Variants in PDS5A observed in about 807,000 individuals in gnomAD.
PDS5A encodes the protein PDS5 cohesin associated factor A.
A neutral mutation model predicts 167.1 loss-of-function variants in PDS5A; 42 were observed. The ratio of observed to expected loss-of-function variants is 0.25; its 90% CI spans 0.20 to 0.33. The LOEUF (loss-of-function observed/expected upper bound fraction) is 0.33. Ranked by LOEUF, PDS5A falls within the 10% of genes least tolerant of loss-of-function variation. PDS5A has a pLI of 1.00. For missense variants in PDS5A, 1,033 were observed against 1,605.9 expected (o/e 0.64, Z 6.10); for synonymous variants, 553 against 554.6 (o/e 1.00, Z 0.04).
At chr4:39,902,522 ATTTTTT>A in intron 12 of PDS5A, 62 bp from the exon 13 acceptor site, 4 of 597,282 alleles carry the variant, frequency 6.7e-6, no homozygotes, top group East Asian at 3.2e-5. Flanking sequence ...TTAAGAAGCA[ATTTTTT>A]TTTTTTTTTT....
chr4:39,831,089 AGAGTT>A (rs1446794387), intron 32 of PDS5A, among the ~76,000 whole-genome samples: 1 of 152,120 alleles, frequency 6.6e-6, no homozygotes, highest in Admixed American at 6.6e-5. Context: ...TTAGCCACAT[AGAGTT>A]GTTTTTGTTT....
intron 32 of PDS5A, among the ~76,000 whole-genome samples, chr4:39,827,741 G>A (rs1715452816): frequency 6.6e-6 from 1 of 152,092 alleles, no homozygotes; most frequent in African/African-American, 2.4e-5. Context: ...AACAAAACAT[G>A]TTAATCCAAC....
chr4:39,958,612 T>A (rs1010304551), intron 2 of PDS5A, among the ~76,000 whole-genome samples: 1 of 151,870 alleles, frequency 6.6e-6, no homozygotes, highest in Non-Finnish European at 1.5e-5. Context: ...TGTCTTTTTT[T>A]TTTTCTTTTC....
intron 2 of PDS5A, among the ~76,000 whole-genome samples, chr4:39,951,696 C>G (rs541732642): frequency 4.4e-4 from 67 of 152,066 alleles, no homozygotes; most frequent in Non-Finnish European, 6.3e-4. Context: ...GTCAGGAGAT[C>G]TAGACCATCC....
intron 5 of PDS5A, 61 bp downstream of exon 5, chr4:39,925,775 C>A: frequency 1.7e-6 from 1 of 602,752 alleles, no homozygotes; most frequent in Non-Finnish European, 2.9e-6. Context: ...GTAGAGTATA[C>A]AACATCTGAA....
chr4:39,830,096 G>T (rs1180225283), intron 32 of PDS5A, among the ~76,000 whole-genome samples: 1 of 151,954 alleles, frequency 6.6e-6, no homozygotes, highest in Non-Finnish European at 1.5e-5. Context: ...ACCTGAGCAA[G>T]GTCCGTTCAG....
At chr4:39,942,441 T>A (rs182314349) in intron 2 of PDS5A, among the ~76,000 whole-genome samples, 6 of 152,170 alleles carry the variant, frequency 3.9e-5, no homozygotes, top group Non-Finnish European at 7.4e-5. Flanking sequence ...CCATCCTTAA[T>A]GTTTTTGCCC....
chr4:39,955,709 C>T (rs987655162), intron 2 of PDS5A, among the ~76,000 whole-genome samples: 2 of 151,688 alleles, frequency 1.3e-5, no homozygotes, highest in Admixed American at 6.6e-5. Flanking sequence ...TCCTGGGGGA[C>T]GGGAGTGTTA....
intron 16 of PDS5A, among the ~76,000 whole-genome samples, chr4:39,892,460 G>A (rs987134622): frequency 1.3e-5 from 2 of 152,136 alleles, no homozygotes; most frequent in Non-Finnish European, 2.9e-5. Flanking sequence ...TCACACAATG[G>A]TCTAATTCCT....
rs986183232 is a variant in PDS5A, at chr4:39,977,845, T to G, written c.-429A>C. 5 of 148,650 alleles carry G rather than the reference T, an allele frequency of 3.4e-5. No individual in the cohort carries two copies. Among genetic ancestry groups the G allele is most frequent in the African/African-American group, 1.2e-4 (5 of 41,012 alleles). The allele number at this position is 148,650 out of a possible 1,614,324, so 9.2% of individuals were successfully genotyped here. On this transcript the variant is annotated 5_prime_UTR_variant, in exon 1 of 33. Coordinates refer to ENST00000303538, the MANE Select transcript of PDS5A (RefSeq NM_001100399.2). This position sits in a 1 kb window ranked among gnomAD's most constrained non-coding sequence, Gnocchi z 4.2. ...CCTCGCAGAGGCGCGCGCCCGGCCGTCCGTGCCCCGGGAGCCGGGGCCTCG... is the reference window on the plus strand; with the variant it reads ...CCTCGCAGAGGCGCGCGCCCGGCCGGCCGTGCCCCGGGAGCCGGGGCCTCG...
chr4:39,831,290 G>GGCC (rs1200912306), intron 32 of PDS5A, among the ~76,000 whole-genome samples: 2 of 151,998 alleles, frequency 1.3e-5, no homozygotes, highest in Non-Finnish European at 2.9e-5. Flanking sequence ...TATTATAGAT[G>GGCC]GAGTTTCACC....
intron 32 of PDS5A, among the ~76,000 whole-genome samples, chr4:39,836,583 C>T (rs1246280774): frequency 6.7e-6 from 1 of 149,974 alleles, no homozygotes; most frequent in African/African-American, 2.5e-5. Flanking sequence ...TACAGGTGCC[C>T]ATGCCCACGA....
chr4:39,848,031 T>C (rs1415355998), intron 28 of PDS5A: 1 of 152,208 alleles, frequency 6.6e-6, no homozygotes, highest in Non-Finnish European at 1.5e-5. Context: ...CTAGGCTGTG[T>C]GCTCCTTATG....
chr4:39,961,664 G>T (rs1024008513), intron 2 of PDS5A, among the ~76,000 whole-genome samples: 3 of 152,114 alleles, frequency 2.0e-5, no homozygotes, highest in Non-Finnish European at 4.4e-5. Context: ...AAAGTGCTGG[G>T]ATTACAGGCA....
chr4:39,857,536 G>A (rs1368279541), intron 26 of PDS5A, among the ~76,000 whole-genome samples: 1 of 151,992 alleles, frequency 6.6e-6, no homozygotes, highest in Non-Finnish European at 1.5e-5. Context: ...TTCCTTTTCA[G>A]TAATTACTTT....
At chr4:39,954,600 T>C (rs1211150782) in intron 2 of PDS5A, among the ~76,000 whole-genome samples, 1 of 145,800 alleles carries the variant, frequency 6.9e-6, no homozygotes, top group Non-Finnish European at 1.5e-5. Flanking sequence ...GGATTACAGG[T>C]GTTAGCCACC....
intron 2 of PDS5A, among the ~76,000 whole-genome samples, chr4:39,951,818 T>C (rs936601533): frequency 7.0e-6 from 1 of 143,158 alleles, no homozygotes; most frequent in African/African-American, 2.6e-5. Context: ...GAGAATCGCC[T>C]GAACCCGGAA....
chr4:39,975,207 T>C lies in PDS5A; in HGVS notation c.138+1233A>G, dbSNP rs562500186. ...GGCAGAATAGCTTGAACCTGGGAAG[T>C]GGAGGTTGCAGTGAGCTGAGATCCC... On this transcript the variant is annotated intron_variant, in intron 2 of 32. Transcript: ENST00000303538. Among the ~76,000 whole-genome samples the C allele has an allele frequency of 1.1e-4, 16 of 150,730 alleles. No homozygotes were observed. In the East Asian group the frequency reaches 3.1e-3, roughly 29 times the overall value.
intron 32 of PDS5A, among the ~76,000 whole-genome samples, chr4:39,836,615 A>ATTTTTTTTTTTTTTTTT (rs71645192): frequency 9.4e-6 from 1 of 106,162 alleles, no homozygotes; most frequent in African/African-American, 3.7e-5. Context: ...ATTTTTTTCT[A>ATTTTTTTTTTTTTTTTT]TTTTTTTTTT....
Sources: allele counts gnomAD v4.1 joint callset (sites outside exome capture counted in the v4.1 genomes callset), GRCh38; gene constraint gnomAD v4.1.1; non-coding constraint Gnocchi (gnomAD v3.1); transcripts MANE v1.5; gene names NCBI Gene and HGNC (gene_info 2026-07-23, HGNC 2026-07-21).